DACH1: variants seen among roughly 807,000 people sequenced by gnomAD.
DACH1 encodes the protein dachshund homolog 1.
DACH1 carries 12 observed loss-of-function variants against 54.2 expected under a neutral mutation model. The ratio of observed to expected loss-of-function variants is 0.22; its 90% CI spans 0.14 to 0.36. The LOEUF (loss-of-function observed/expected upper bound fraction) is 0.36. Among genes scored for constraint, DACH1 ranks in the 10% least tolerant of loss-of-function variants. DACH1 has a pLI of 1.00. For missense variants in DACH1, 805 were observed against 929.8 expected (o/e 0.87, Z 1.75); for synonymous variants, 386 against 366.2 (o/e 1.05, Z -0.62).
At chr13:71,864,175 GCACATA>G (rs1874546329) in intron 1 of DACH1, among the ~76,000 whole-genome samples, 2 of 96,994 alleles carry the variant, frequency 2.1e-5, no homozygotes, top group Admixed American at 1.1e-4. Flanking sequence ...GCGCGCGCGC[GCACATA>G]CACACACACA....
intron 1 of DACH1, among the ~76,000 whole-genome samples, chr13:71,747,960 C>A (rs1027286484): frequency 1.2e-4 from 19 of 152,220 alleles, no homozygotes; most frequent in African/African-American, 4.6e-4. Context: ...ACTTGACAGG[C>A]AAATAAACCA....
At chr13:71,599,986 C>T (rs1293880505) in intron 3 of DACH1, among the ~76,000 whole-genome samples, 1 of 151,990 alleles carries the variant, frequency 6.6e-6, no homozygotes, top group Non-Finnish European at 1.5e-5. Flanking sequence ...AGTATCAAAT[C>T]ATAGTCCCTG....
At chr13:71,671,188 C>G (rs1257260426) in intron 2 of DACH1, among the ~76,000 whole-genome samples, 1 of 151,810 alleles carries the variant, frequency 6.6e-6, no homozygotes, top group African/African-American at 2.4e-5. Flanking sequence ...ATTGCCATTT[C>G]CTCCTATTGA....
chr13:71,664,007 T>C (rs888401561), intron 2 of DACH1, among the ~76,000 whole-genome samples: 1 of 151,970 alleles, frequency 6.6e-6, no homozygotes, highest in East Asian at 1.9e-4. Context: ...CCCAATGCTA[T>C]TGTAAAAAAA....
intron 4 of DACH1, among the ~76,000 whole-genome samples, chr13:71,565,820 G>A (rs918644478): frequency 3.9e-5 from 6 of 152,130 alleles, no homozygotes; most frequent in Non-Finnish European, 2.9e-5. Context: ...CTCATTGGTG[G>A]TAGGGGACTA....
chr13:71,524,434 G>C (rs754104832), intron 6 of DACH1, among the ~76,000 whole-genome samples: 2 of 152,130 alleles, frequency 1.3e-5, no homozygotes, highest in Admixed American at 6.6e-5. Flanking sequence ...CTTTTTAATA[G>C]ATAGGCATCT....
chr13:71,760,382 AAAGT>A (rs1276998104), intron 1 of DACH1, among the ~76,000 whole-genome samples: 1 of 152,222 alleles, frequency 6.6e-6, no homozygotes, highest in Non-Finnish European at 1.5e-5. Flanking sequence ...ATGTAGAAAG[AAAGT>A]GACAGGCAGA....
chr13:71,557,131 T>C lies in DACH1; in HGVS notation c.1463A>G (p.Asn488Ser). Residue 488 changes from asparagine (N) to serine (S), a missense_variant, in exon 6 of 11, where the codon AAC becomes AGC. Coordinates refer to ENST00000613252, the MANE Select transcript of DACH1 (RefSeq NM_080759.6). ...TGGTGATAAGCCCATCAGCATCTGG[T>C]TCATGGACAACCCATTCTGATGGAC... is the stretch of plus-strand genomic sequence containing the variant. The part of the protein sequence containing the change: ...IPVHQNGLSM[N>S]QMLMGLSPNV... 6.2e-7 allele frequency: 1 copy of C among 1,611,110 alleles called. No individual in the cohort carries two copies. Among genetic ancestry groups the C allele is most frequent in the African/African-American group, 1.3e-5 (1 of 74,808 alleles).
chr13:71,514,333 G>T (rs1880999595), intron 6 of DACH1, among the ~76,000 whole-genome samples: 1 of 151,730 alleles, frequency 6.6e-6, no homozygotes, highest in Non-Finnish European at 1.5e-5. Flanking sequence ...TATAACATTT[G>T]CAACTATAGG....
chr13:71,526,651 A>C (rs1240136854), intron 6 of DACH1, among the ~76,000 whole-genome samples: 1 of 151,718 alleles, frequency 6.6e-6, no homozygotes, highest in East Asian at 1.9e-4. Flanking sequence ...TTTTAAATGC[A>C]ATCATTTTGA....
At chr13:71,764,656 T>C (rs1211950336) in intron 1 of DACH1, among the ~76,000 whole-genome samples, 1 of 152,194 alleles carries the variant, frequency 6.6e-6, no homozygotes, top group Non-Finnish European at 1.5e-5. Context: ...ATCTAATAAT[T>C]GCTTGGCCTA....
At position 71,704,157 on chromosome 13, in the gene DACH1, G is replaced by T. The variant is rs540844059; in HGVS notation, c.849-22247C>A. 5.7e-5 allele frequency: 11 copies of T among 192,084 alleles called. No homozygotes were observed. In the East Asian group the frequency reaches 1.2e-3, roughly 21 times the overall value. 11.9% of individuals were successfully genotyped at this position (192,084 alleles called of 1,614,324 possible). On this transcript the variant is annotated intron_variant, in intron 1 of 10. Coordinates refer to ENST00000613252, the MANE Select transcript of DACH1 (RefSeq NM_080759.6). Reference sequence around the variant, plus strand: ...CAATGCAGTCCTTTTTTCTGGACCCGCCATCTTCCAGTAATTCATCAAAAT... The same window carrying T: ...CAATGCAGTCCTTTTTTCTGGACCCTCCATCTTCCAGTAATTCATCAAAAT...
chr13:71,656,965 CACATATATATGA>C (rs1369837804), intron 2 of DACH1, among the ~76,000 whole-genome samples: 1 of 114,340 alleles, frequency 8.7e-6, no homozygotes. Context: ...TATAAATATG[CACATATATATGA>C]ACATATATAT....
intron 6 of DACH1, among the ~76,000 whole-genome samples, chr13:71,490,502 T>C (rs1299045559): frequency 6.6e-6 from 1 of 152,204 alleles, no homozygotes; most frequent in Admixed American, 6.5e-5. Flanking sequence ...AGTTTCTCCT[T>C]CTACTTCCTC....
At chr13:71,654,112 C>T (rs1345002515) in intron 2 of DACH1, among the ~76,000 whole-genome samples, 2 of 151,950 alleles carry the variant, frequency 1.3e-5, no homozygotes, top group South Asian at 2.1e-4. Flanking sequence ...ACTAATAGGC[C>T]GGGCATAGTA....
intron 1 of DACH1, among the ~76,000 whole-genome samples, chr13:71,731,858 G>C (rs367668547): frequency 1.7e-3 from 252 of 152,292 alleles, no homozygotes; most frequent in African/African-American, 5.7e-3. Flanking sequence ...GGAATAACTA[G>C]TTTTATAGTT....
intron 6 of DACH1, among the ~76,000 whole-genome samples, chr13:71,552,838 TATATAGAGAGAGAGAGAGAG>T (rs1400835719): frequency 9.2e-5 from 2 of 21,634 alleles, no homozygotes; most frequent in African/African-American, 4.0e-4. Flanking sequence ...TATATATATA[TATATAGAGAGAGAGAGAGAG>T]AGAGAGAGAG....
chr13:71,517,501 C>G (rs186812245), intron 6 of DACH1, among the ~76,000 whole-genome samples: 1 of 151,316 alleles, frequency 6.6e-6, no homozygotes, highest in Non-Finnish European at 1.5e-5. Flanking sequence ...TTTTGTAAAA[C>G]TTCTAGATTT....
chr13:71,762,512 C>T (rs1390076959), intron 1 of DACH1, among the ~76,000 whole-genome samples: 6 of 151,718 alleles, frequency 4.0e-5, no homozygotes, highest in South Asian at 4.2e-4. Flanking sequence ...GAGGCCGAGG[C>T]GAGCAGCACT....
Sources: allele counts gnomAD v4.1 joint callset (sites outside exome capture counted in the v4.1 genomes callset), GRCh38; gene constraint gnomAD v4.1.1; transcripts MANE v1.5; gene names NCBI Gene and HGNC (gene_info 2026-07-23, HGNC 2026-07-21).